The following CTNNA2 variants were observed in gnomAD, a reference collection of about 807,000 sequenced individuals.
CTNNA2 encodes catenin alpha-2.
A neutral mutation model predicts 101.0 loss-of-function variants in CTNNA2; 42 were observed. The observed-to-expected ratio is 0.42, with a 90% CI of 0.32 to 0.54. The LOEUF is 0.54. CTNNA2 is among the 20% of genes least tolerant of loss of function. The pLI, the probability that CTNNA2 is intolerant of heterozygous loss-of-function variation, is 0.14. For synonymous variants in CTNNA2, 450 were observed against 456.4 expected, an observed-to-expected ratio of 0.99 and a Z score of 0.18; for missense variants, 871 against 1,223.1, an observed-to-expected ratio of 0.71 and a Z score of 4.29.
chr2:79,966,098 A>C (rs1690038533), intron 7 of CTNNA2, among the ~76,000 whole-genome samples: 1 of 151,994 alleles, frequency 6.6e-6, no homozygotes, highest in Admixed American at 6.6e-5. Context: ...GAGTTTTTTT[A>C]ATATCATTTA....
intron 7 of CTNNA2, among the ~76,000 whole-genome samples, chr2:79,914,452 C>T (rs1429332163): frequency 6.6e-6 from 1 of 152,126 alleles, no homozygotes; most frequent in African/African-American, 2.4e-5. Context: ...TAAACTGTTA[C>T]TTCTTTATGC....
intron 7 of CTNNA2, among the ~76,000 whole-genome samples, chr2:80,238,817 C>T (rs540241713): frequency 6.6e-6 from 1 of 152,302 alleles, no homozygotes; most frequent in African/African-American, 2.4e-5. Flanking sequence ...CCGGAATTGT[C>T]TCTAAGTCTC....
intron 2 of CTNNA2, among the ~76,000 whole-genome samples, chr2:79,255,580 G>A (rs934517): frequency 0.61 from 92,243 of 151,570 alleles, 28,350 homozygotes; most frequent in East Asian, 0.65. Context: ...AGAGGTGGTC[G>A]TGGAAGAATC....
At chr2:80,062,580 C>CT (rs1697672804) in intron 7 of CTNNA2, among the ~76,000 whole-genome samples, 1 of 152,046 alleles carries the variant, frequency 6.6e-6, no homozygotes, top group Admixed American at 6.6e-5. Context: ...TAACTTAATT[C>CT]TTTTATTCTC....
chr2:79,554,326 C>T (rs1231155729), intron 1 of CTNNA2, among the ~76,000 whole-genome samples: 2 of 152,022 alleles, frequency 1.3e-5, no homozygotes, highest in African/African-American at 2.4e-5. Flanking sequence ...AAGAAAATCA[C>T]TCAAGGTTAG....
chr2:80,095,689 CTGG>C (rs1700101814), intron 7 of CTNNA2, among the ~76,000 whole-genome samples: 1 of 152,076 alleles, frequency 6.6e-6, no homozygotes, highest in Non-Finnish European at 1.5e-5. Flanking sequence ...GAGCCTGTTA[CTGG>C]TCTATTCAGA....
chr2:79,961,010 CT>C (rs1314333255), intron 7 of CTNNA2, among the ~76,000 whole-genome samples: 1 of 152,068 alleles, frequency 6.6e-6, no homozygotes, highest in Non-Finnish European at 1.5e-5. Context: ...AACACCATGC[CT>C]TTTTAATAGA....
intron 7 of CTNNA2, among the ~76,000 whole-genome samples, chr2:80,140,720 G>A (rs112491541): frequency 7.8e-4 from 118 of 152,224 alleles, no homozygotes; most frequent in African/African-American, 2.8e-3. Flanking sequence ...CCTTTTAACA[G>A]GGATTGACCC....
intron 1 of CTNNA2, among the ~76,000 whole-genome samples, chr2:79,587,839 T>C (rs1318676298): frequency 2.0e-5 from 3 of 152,196 alleles, no homozygotes; most frequent in African/African-American, 7.2e-5. Context: ...GTCAATGCCA[T>C]TGCAGGGCCC....
intron 4 of CTNNA2, among the ~76,000 whole-genome samples, chr2:79,412,982 T>G (rs1225166575): frequency 6.6e-6 from 1 of 152,122 alleles, no homozygotes; most frequent in Non-Finnish European, 1.5e-5. Flanking sequence ...ATATATTTTG[T>G]CAATTACATT....
chr2:80,138,319 A>C (rs1457877755), intron 7 of CTNNA2, among the ~76,000 whole-genome samples: 1 of 152,148 alleles, frequency 6.6e-6, no homozygotes, highest in East Asian at 1.9e-4. Context: ...TCAACTTTAC[A>C]GTCCCATTGT....
At chr2:79,766,317 T>C (rs543464542) in intron 3 of CTNNA2, among the ~76,000 whole-genome samples, 110 of 152,298 alleles carry the variant, frequency 7.2e-4, no homozygotes, top group African/African-American at 2.6e-3. Flanking sequence ...GAGGTAAAAG[T>C]TTTTTTCCTT....
At chr2:80,198,573 C>G (rs1665632995) in intron 7 of CTNNA2, among the ~76,000 whole-genome samples, 1 of 152,144 alleles carries the variant, frequency 6.6e-6, no homozygotes, top group South Asian at 2.1e-4. Flanking sequence ...TAACAGTGTG[C>G]TTTTCAACAT....
intron 1 of CTNNA2, among the ~76,000 whole-genome samples, chr2:79,638,992 C>G (rs1680267255): frequency 6.6e-6 from 1 of 152,160 alleles, no homozygotes. Context: ...TTTCTGGCAG[C>G]AATTCAAAAG....
chr2:79,398,264 A>G (rs1678253109), intron 4 of CTNNA2, among the ~76,000 whole-genome samples: 1 of 152,136 alleles, frequency 6.6e-6, no homozygotes, highest in South Asian at 2.1e-4. Flanking sequence ...GTAAACTATG[A>G]TTTGTCTGTA....
chr2:80,214,100 A>G (rs1223711653), intron 7 of CTNNA2, among the ~76,000 whole-genome samples: 2 of 151,786 alleles, frequency 1.3e-5, no homozygotes, highest in Non-Finnish European at 2.9e-5. Context: ...TTTTGAGCCT[A>G]TGTGTCTCTG....
intron 3 of CTNNA2, among the ~76,000 whole-genome samples, chr2:79,857,214 G>A (rs1681210562): frequency 6.6e-6 from 1 of 152,126 alleles, no homozygotes; most frequent in Non-Finnish European, 1.5e-5. Flanking sequence ...CATTAAAATG[G>A]ACAGCTTCCC....
upstream of CTNNA2, among the ~76,000 whole-genome samples, chr2:79,512,097 C>T (rs1400739227): frequency 6.6e-6 from 1 of 152,164 alleles, no homozygotes; most frequent in Non-Finnish European, 1.5e-5. Context: ...TCACTGTTAG[C>T]ACCTCTGTAA....
rs117041715 is a variant in CTNNA2 at position 79,954,526 on chromosome 2, T to C, written c.1056+44729T>C. On this transcript the variant is annotated intron_variant, in intron 7 of 18. Transcript: ENST00000402739. ...TATTTGTAAAGCCATTGACCTCACCTGATTGTTACGTATAATTTTTGGCTG... is the reference window on the plus strand; with the variant it reads ...TATTTGTAAAGCCATTGACCTCACCCGATTGTTACGTATAATTTTTGGCTG... Among the ~76,000 whole-genome samples the C allele has an allele frequency of 2.6e-5, 4 of 152,346 alleles. No individual in the cohort carries two copies. The East Asian group carries it at 7.7e-4, about 29-fold the overall frequency.
Sources: allele counts gnomAD v4.1 joint callset (sites outside exome capture counted in the v4.1 genomes callset), GRCh38; gene constraint gnomAD v4.1.1; transcripts MANE v1.5; gene names NCBI Gene and HGNC (gene_info 2026-07-23, HGNC 2026-07-21).